The following CDK19 variants were observed in gnomAD, a reference collection of about 807,000 sequenced individuals.
CDK19 encodes cyclin dependent kinase 19.
In CDK19, 20 loss-of-function variants were observed where a neutral mutation model predicts 68.3. The ratio of observed to expected loss-of-function variants is 0.29; its 90% CI spans 0.21 to 0.43. The LOEUF (loss-of-function observed/expected upper bound fraction) is 0.43, where lower values mean the gene tolerates loss of function less well. Ranked by LOEUF, CDK19 falls within the 20% of genes least tolerant of loss-of-function variation. The pLI is 1.00. For missense variants in CDK19, 339 were observed against 623.5 expected (o/e 0.54, Z 4.86); for synonymous variants, 221 against 222.8 (o/e 0.99, Z 0.07).
At chr6:110,772,890 CAAA>C (rs60201424) in intron 1 of CDK19, among the ~76,000 whole-genome samples, 26 of 100,608 alleles carry the variant, frequency 2.6e-4, no homozygotes, top group Admixed American at 5.2e-4. Context: ...GTCCCTGTCC[CAAA>C]AAAAAAAAAA....
chr6:110,694,691 G>A lies in CDK19; in HGVS notation c.205-24150C>T, dbSNP rs180942947. On this transcript the variant is annotated intron_variant, in intron 2 of 12. Transcript: ENST00000368911. The stretch of plus-strand genomic sequence containing the variant: ...ACAGAACATTCTACCCAACAACTGC[G>A]GAGAATACGTTCTTTTCATTAGCAC... Among the ~76,000 whole-genome samples the A allele has an allele frequency of 4.1e-4, 63 of 152,210 alleles. No individual in the cohort carries two copies. The East Asian group carries it at 9.6e-3, about 23-fold the overall frequency.
chr6:110,813,234 T>C (rs948343417), intron 1 of CDK19: 1 of 152,172 alleles, frequency 6.6e-6, no homozygotes, highest in South Asian at 2.1e-4. Flanking sequence ...CTGGTTTTTG[T>C]TGTAAGCCCA....
chr6:110,803,115 T>G (rs1562300490), intron 1 of CDK19, among the ~76,000 whole-genome samples: 1 of 152,282 alleles, frequency 6.6e-6, no homozygotes, highest in Middle Eastern at 3.4e-3. Context: ...AGTCTTGCTC[T>G]GTAGCCCAGG....
intron 1 of CDK19, among the ~76,000 whole-genome samples, chr6:110,751,838 G>A (rs73528414): frequency 0.019 from 2,923 of 150,878 alleles, 99 homozygotes; most frequent in African/African-American, 0.068. Flanking sequence ...CAAACTATGT[G>A]ATGTGCATCC....
chr6:110,625,538 T>C (rs926449807), intron 8 of CDK19, among the ~76,000 whole-genome samples: 2 of 152,138 alleles, frequency 1.3e-5, no homozygotes, highest in Non-Finnish European at 2.9e-5. Context: ...TAGTTTGGTT[T>C]TGAATGTTTG....
At chr6:110,704,509 C>T (rs1472982554) in intron 2 of CDK19, among the ~76,000 whole-genome samples, 1 of 152,156 alleles carries the variant, frequency 6.6e-6, no homozygotes, top group East Asian at 1.9e-4. Context: ...TCTCACTCTT[C>T]CAAATCCCTA....
At chr6:110,691,129 T>TA (rs1466745831) in intron 2 of CDK19, among the ~76,000 whole-genome samples, 1 of 152,038 alleles carries the variant, frequency 6.6e-6, no homozygotes, top group Non-Finnish European at 1.5e-5. Context: ...AGAAATTTTT[T>TA]AAAAAAAATC....
chr6:110,760,844 T>C (rs915373224), intron 1 of CDK19, among the ~76,000 whole-genome samples: 3 of 152,212 alleles, frequency 2.0e-5, no homozygotes, highest in African/African-American at 2.4e-5. Context: ...TCGCTCTATA[T>C]CACAAAGCTC....
chr6:110,705,166 G>A (rs1774348151), intron 2 of CDK19, among the ~76,000 whole-genome samples: 1 of 150,846 alleles, frequency 6.6e-6, no homozygotes, highest in African/African-American at 2.4e-5. Context: ...TCAGCCTCCC[G>A]AATACCTGGG....
At chr6:110,691,092 T>C (rs1233554822) in intron 2 of CDK19, among the ~76,000 whole-genome samples, 2 of 152,066 alleles carry the variant, frequency 1.3e-5, no homozygotes, top group Non-Finnish European at 2.9e-5. Flanking sequence ...TCAAGGAGAT[T>C]CCAGAGAAAT....
chr6:110,668,598 C>T (rs139347829), intron 3 of CDK19, among the ~76,000 whole-genome samples: 2,088 of 152,062 alleles, frequency 0.014, 58 homozygotes, highest in African/African-American at 0.048. Flanking sequence ...TTTGGGAGGC[C>T]GAGGCAGGTG....
intron 1 of CDK19, among the ~76,000 whole-genome samples, chr6:110,747,589 T>C: frequency 6.6e-6 from 1 of 152,166 alleles, no homozygotes; most frequent in Non-Finnish European, 1.5e-5. Context: ...AATTAACAGT[T>C]ACGTTAAGAT....
chr6:110,811,186 G>C (rs973409364), intron 1 of CDK19, among the ~76,000 whole-genome samples: 1 of 152,196 alleles, frequency 6.6e-6, no homozygotes, highest in South Asian at 2.1e-4. Context: ...TTAATCTTCT[G>C]TAAGTGTCCA....
chr6:110,654,027 A>G (rs1445911328), intron 4 of CDK19, among the ~76,000 whole-genome samples: 4 of 152,240 alleles, frequency 2.6e-5, no homozygotes, highest in African/African-American at 9.6e-5. Context: ...ACAATTGTCT[A>G]CAATCCTGAA....
chr6:110,642,232 C>T (rs930911216), intron 4 of CDK19, among the ~76,000 whole-genome samples: 3 of 144,706 alleles, frequency 2.1e-5, no homozygotes, highest in Non-Finnish European at 3.0e-5. Flanking sequence ...ACCCGGAAAG[C>T]GGGAAAGCGG....
intron 4 of CDK19, among the ~76,000 whole-genome samples, chr6:110,644,969 A>G (rs568282818): frequency 6.6e-6 from 1 of 152,318 alleles, no homozygotes; most frequent in Non-Finnish European, 1.5e-5. Context: ...CTTGAAAAAT[A>G]TATATATGAA....
intron 2 of CDK19, among the ~76,000 whole-genome samples, chr6:110,724,027 AAAAC>A (rs1156388811): frequency 6.6e-6 from 1 of 152,168 alleles, no homozygotes; most frequent in African/African-American, 2.4e-5. Flanking sequence ...AAAAAAAAAA[AAAAC>A]TAGTTTAAAA....
At chr6:110,671,075 G>GT (rs925220759) in intron 2 of CDK19, among the ~76,000 whole-genome samples, 68 of 150,954 alleles carry the variant, frequency 4.5e-4, no homozygotes, top group East Asian at 2.5e-3. Context: ...GTGGTTGAGG[G>GT]TTTTTTTTTG....
At chr6:110,761,887 G>T (rs570432661) in intron 1 of CDK19, among the ~76,000 whole-genome samples, 1 of 152,118 alleles carries the variant, frequency 6.6e-6, no homozygotes, top group African/African-American at 2.4e-5. Flanking sequence ...TTAACCAACT[G>T]AGATATGGAG....
Sources: allele counts gnomAD v4.1 joint callset (sites outside exome capture counted in the v4.1 genomes callset), GRCh38; gene constraint gnomAD v4.1.1; transcripts MANE v1.5; gene names NCBI Gene and HGNC (gene_info 2026-07-23, HGNC 2026-07-21).